CRYBG1: variants seen among roughly 807,000 people sequenced by gnomAD.
CRYBG1 encodes the protein beta/gamma crystallin domain-containing protein 1.
In CRYBG1, 139 loss-of-function variants were observed where a neutral mutation model predicts 189.2. That is an observed-to-expected ratio of 0.73 (90% CI 0.64 to 0.85). The LOEUF is 0.85. Ranked by LOEUF, CRYBG1 falls within the 40% of genes least tolerant of loss-of-function variation. The pLI, the probability that CRYBG1 is intolerant of heterozygous loss-of-function variation, is 0.00. For synonymous variants in CRYBG1, 1,023 were observed against 1,017.1 expected, an observed-to-expected ratio of 1.01 and a Z score of -0.11; for missense variants, 2,611 against 2,675.8, an observed-to-expected ratio of 0.98 and a Z score of 0.53.
chr6:106,510,570 G>T (rs759909834), intron 2 of CRYBG1, among the ~76,000 whole-genome samples: 1 of 151,314 alleles, frequency 6.6e-6, no homozygotes, highest in African/African-American at 2.4e-5. Context: ...CCAGCCGTGC[G>T]ACCCCGGAAC....
Position 106,361,079 on chromosome 6 carries a change from C to T in CRYBG1, c.171C>T (p.Ala57=). Residue 57 remains alanine (A), a splice_region_variant and synonymous_variant, in exon 1 of 22, where the codon GCC becomes GCT. Coordinates refer to ENST00000633556, the MANE Select transcript of CRYBG1 (RefSeq NM_001371242.2). The part of the protein sequence containing the change: ...PHPLPAPAGE[A]RALDVVDGKY... Reference sequence around the variant, plus strand: ...CGCTCCCGGCGCCTGCCGGAGAGGCCAGGTGAGCTCCTCGCCCGAGCCCTC... The same window carrying T: ...CGCTCCCGGCGCCTGCCGGAGAGGCTAGGTGAGCTCCTCGCCCGAGCCCTC... 1 of 1,534,696 alleles carries T rather than the reference C, an allele frequency of 6.5e-7. No individual in the cohort carries two copies. Among genetic ancestry groups the T allele is most frequent in the East Asian group, 2.4e-5 (1 of 40,880 alleles).
chr6:106,363,503 C>A (rs544218125), intron 1 of CRYBG1, among the ~76,000 whole-genome samples: 3 of 152,096 alleles, frequency 2.0e-5, no homozygotes, highest in African/African-American at 7.2e-5. Flanking sequence ...GCAAAAGCAC[C>A]CTTAGATTTC....
intron 2 of CRYBG1, among the ~76,000 whole-genome samples, chr6:106,472,524 AT>A (rs1772252651): frequency 4.2e-5 from 4 of 94,382 alleles, no homozygotes; most frequent in African/African-American, 1.3e-4. Context: ...CTTTTTCTTG[AT>A]GATTCATGAT....
intron 1 of CRYBG1, among the ~76,000 whole-genome samples, chr6:106,416,388 C>CT (rs1771021230): frequency 6.6e-6 from 1 of 152,228 alleles, no homozygotes. Context: ...ACTGTTCCCC[C>CT]TATCGGAGAC....
In CRYBG1 at chr6:106,512,723, C is replaced by A; in HGVS notation, c.1606C>A (p.Pro536Thr). 6.4e-7 allele frequency: 1 copy of A among 1,557,920 alleles called. No individual in the cohort carries two copies. Among genetic ancestry groups the A allele is most frequent in the Non-Finnish European group, 8.7e-7 (1 of 1,151,884 alleles). Residue 536 changes from proline to threonine, a missense_variant, in exon 3 of 22, where the codon CCC (proline) becomes ACC (threonine). Physicochemically the swap from Pro to Thr is conservative, Grantham distance 38 (BLOSUM62 -1). Around this residue, in one of 3 missense-constraint regions of CRYBG1, gnomAD observed 985 missense variants for 924.4 expected, o/e 1.07. Transcript: ENST00000633556. The part of the protein sequence containing the change: ...PAPPASGPRA[P>T]AKESPPKRVP... Reference sequence around the variant, plus strand: ...CCCGCCCGCCAGCGGCCCCCGGGCTCCCGCCAAGGAGTCCCCACCCAAGAG... The same window carrying A: ...CCCGCCCGCCAGCGGCCCCCGGGCTACCGCCAAGGAGTCCCCACCCAAGAG...
intron 17 of CRYBG1, 121 bp downstream of exon 17, chr6:106,556,018 C>A: frequency 8.8e-7 from 1 of 1,133,668 alleles, no homozygotes; most frequent in Non-Finnish European, 1.3e-6. Flanking sequence ...GGAGATGGAA[C>A]TGTCCATTTG....
intron 2 of CRYBG1, among the ~76,000 whole-genome samples, chr6:106,471,454 C>T (rs1208647118): frequency 2.0e-5 from 3 of 152,144 alleles, no homozygotes; most frequent in Non-Finnish European, 2.9e-5. Context: ...TCTGGTTTCT[C>T]CTATTCGGGA....
At chr6:106,478,715 A>G (rs540363163) in intron 2 of CRYBG1, among the ~76,000 whole-genome samples, 2 of 152,354 alleles carry the variant, frequency 1.3e-5, no homozygotes, top group East Asian at 1.9e-4. Flanking sequence ...AGCGATGGGC[A>G]TGCAAGCAAA....
intron 1 of CRYBG1, among the ~76,000 whole-genome samples, chr6:106,407,545 A>T (rs1013515475): frequency 5.9e-5 from 9 of 152,074 alleles, no homozygotes; most frequent in African/African-American, 1.7e-4. Flanking sequence ...CATCTACAGA[A>T]CTCTCCACCC....
At chr6:106,479,725 TG>T (rs1772404550) in intron 2 of CRYBG1, among the ~76,000 whole-genome samples, 1 of 152,248 alleles carries the variant, frequency 6.6e-6, no homozygotes, top group Non-Finnish European at 1.5e-5. Flanking sequence ...ATATCTTCTT[TG>T]GAGAAATGTC....
At chr6:106,563,177 C>A (rs1394457785) in intron 20 of CRYBG1, among the ~76,000 whole-genome samples, 2 of 152,110 alleles carry the variant, frequency 1.3e-5, no homozygotes, top group Non-Finnish European at 2.9e-5. Context: ...GGGAAGGGCT[C>A]ATAAAATCTT....
At chr6:106,538,473 G>C (rs771146569) in intron 8 of CRYBG1, among the ~76,000 whole-genome samples, 2 of 152,190 alleles carry the variant, frequency 1.3e-5, no homozygotes, top group Non-Finnish European at 1.5e-5. Flanking sequence ...CAGCCCCACA[G>C]AACTTCAGAG....
chr6:106,400,665 T>C (rs1359211900), intron 1 of CRYBG1, among the ~76,000 whole-genome samples: 1 of 152,204 alleles, frequency 6.6e-6, no homozygotes, highest in East Asian at 1.9e-4. Flanking sequence ...TCAGGCACTA[T>C]ACCAGAAGTA....
chr6:106,425,714 C>CTCCGCCTCCCAGGTTCAAGCAATTCT (rs1771212526), intron 1 of CRYBG1, among the ~76,000 whole-genome samples: 2 of 152,138 alleles, frequency 1.3e-5, no homozygotes, highest in African/African-American at 4.8e-5. Flanking sequence ...TCACTGCAAC[C>CTCCGCCTCCCAGGTTCAAGCAATTCT]TCCGCCTCCC....
chr6:106,503,685 A>G (rs546055914), intron 2 of CRYBG1, among the ~76,000 whole-genome samples: 1 of 152,314 alleles, frequency 6.6e-6, no homozygotes, highest in South Asian at 2.1e-4. Context: ...CAGACATTCC[A>G]TGATCTTATC....
In CRYBG1 at chr6:106,495,947, T is replaced by C. The variant is rs867353905; in HGVS notation, c.313-15483T>C. Among the ~76,000 whole-genome samples the C allele has an allele frequency of 8.5e-5, 13 of 152,288 alleles. No individual in the cohort carries two copies. In the East Asian group the frequency reaches 2.1e-3, roughly 25 times the overall value. On this transcript the variant is annotated intron_variant, in intron 2 of 21. Coordinates refer to ENST00000633556, the MANE Select transcript of CRYBG1 (RefSeq NM_001371242.2). ...CTTTGAGAGTAAGGATTGATTTTTA[T>C]TTTTCTTAATGGTAGGCAAAGTTAG...
intron 2 of CRYBG1, among the ~76,000 whole-genome samples, chr6:106,472,968 TA>T (rs1172010189): frequency 1.1e-4 from 17 of 152,234 alleles, no homozygotes; most frequent in African/African-American, 3.4e-4. Context: ...ATTTCTGTGT[TA>T]TTTTTAATAG....
At chr6:106,479,350 A>G (rs1772397865) in intron 2 of CRYBG1, among the ~76,000 whole-genome samples, 1 of 152,194 alleles carries the variant, frequency 6.6e-6, no homozygotes, top group South Asian at 2.1e-4. Context: ...CTCATGACCT[A>G]TTCCAAACCT....
intron 1 of CRYBG1, among the ~76,000 whole-genome samples, chr6:106,415,212 G>A (rs1363549982): frequency 1.3e-5 from 2 of 152,170 alleles, no homozygotes; most frequent in Non-Finnish European, 2.9e-5. Flanking sequence ...GAAGATACAT[G>A]TTTATACATT....
Sources: gnomAD v4.1 joint callset for allele counts (sites outside exome capture counted in the v4.1 genomes callset) on GRCh38, gnomAD v4.1.1 for gene constraint, gnomAD v4.1.1 regional missense constraint, MANE v1.5 for transcripts, NCBI Gene and HGNC (gene_info 2026-07-23, HGNC 2026-07-21) for gene names.